Variants in CLIC4 observed in about 807,000 individuals in gnomAD.
CLIC4 encodes the protein chloride intracellular channel protein 4.
A neutral mutation model predicts 24.6 loss-of-function variants in CLIC4; 13 were observed. That is an observed-to-expected ratio of 0.53 (90% CI 0.34 to 0.84). The LOEUF (loss-of-function observed/expected upper bound fraction) is 0.84. CLIC4 is among the 40% of genes least tolerant of loss of function. The probability of loss-of-function intolerance (pLI) is 0.01; values close to 1 mark genes in which losing one functional copy is unlikely to be tolerated. For missense variants in CLIC4, 227 were observed against 301.7 expected (o/e 0.75, Z 1.83); for synonymous variants, 104 against 111.3 (o/e 0.93, Z 0.41).
At chr1:24,777,300 C>CT (rs1639152691) in intron 1 of CLIC4, among the ~76,000 whole-genome samples, 1 of 152,314 alleles carries the variant, frequency 6.6e-6, no homozygotes, top group East Asian at 1.9e-4. Context: ...AATGCTAGCA[C>CT]TTTGGGAGGC....
intron 2 of CLIC4, among the ~76,000 whole-genome samples, chr1:24,798,602 T>G (rs921254627): frequency 6.6e-6 from 1 of 152,196 alleles, no homozygotes; most frequent in Non-Finnish European, 1.5e-5. Flanking sequence ...AAGATTTAAA[T>G]CAAGGGTTAA....
At chr1:24,778,625 T>C (rs1037685357) in intron 1 of CLIC4, among the ~76,000 whole-genome samples, 2 of 152,196 alleles carry the variant, frequency 1.3e-5, no homozygotes, top group African/African-American at 4.8e-5. Context: ...ATGGACCCTC[T>C]GTAAAAAGAA....
chr1:24,801,603 A>T (rs1489804867), intron 2 of CLIC4, among the ~76,000 whole-genome samples: 1 of 152,222 alleles, frequency 6.6e-6, no homozygotes, highest in African/African-American at 2.4e-5. Context: ...AGATATTGAC[A>T]GCCTATCACT....
At chr1:24,809,907 ATTAC>A (rs1446517465) in intron 2 of CLIC4, among the ~76,000 whole-genome samples, 2 of 152,210 alleles carry the variant, frequency 1.3e-5, no homozygotes, top group Non-Finnish European at 2.9e-5. Flanking sequence ...ATGTTGTTGT[ATTAC>A]TTTTCTTGAA....
At chr1:24,760,602 T>C (rs546152364) in intron 1 of CLIC4, among the ~76,000 whole-genome samples, 13 of 152,182 alleles carry the variant, frequency 8.5e-5, no homozygotes, top group Middle Eastern at 3.4e-3. Flanking sequence ...GATACACTTT[T>C]GGCTTTTCCA....
intron 2 of CLIC4, among the ~76,000 whole-genome samples, chr1:24,798,877 C>T (rs1245996495): frequency 1.3e-5 from 2 of 152,266 alleles, no homozygotes; most frequent in Non-Finnish European, 2.9e-5. Context: ...CAGCCCCTAA[C>T]CGCGAGTGAT....
chr1:24,758,309 CTT>C (rs538216625), intron 1 of CLIC4, among the ~76,000 whole-genome samples: 2 of 142,102 alleles, frequency 1.4e-5, no homozygotes, highest in Non-Finnish European at 1.5e-5. Context: ...ATGTCCTAGT[CTT>C]TTTTTTTTTT....
intron 2 of CLIC4, among the ~76,000 whole-genome samples, chr1:24,808,353 A>G (rs908594725): frequency 6.6e-6 from 1 of 152,230 alleles, no homozygotes; most frequent in African/African-American, 2.4e-5. Flanking sequence ...GTATTTGCAT[A>G]TTAACCTACA....
At chr1:24,802,805 G>A (rs1639505788) in intron 2 of CLIC4, among the ~76,000 whole-genome samples, 1 of 150,488 alleles carries the variant, frequency 6.6e-6, no homozygotes, top group African/African-American at 2.4e-5. Context: ...TTGAGCTCCT[G>A]GGCTCAAGTA....
chr1:24,794,959 G>A (rs770406936), intron 1 of CLIC4, among the ~76,000 whole-genome samples: 10 of 152,236 alleles, frequency 6.6e-5, no homozygotes, highest in Non-Finnish European at 1.2e-4. Context: ...AGTCTTTGAC[G>A]TTGCTTGTTT....
chr1:24,771,071 T>C (rs1330715701), intron 1 of CLIC4, among the ~76,000 whole-genome samples: 1 of 152,210 alleles, frequency 6.6e-6, no homozygotes, highest in Non-Finnish European at 1.5e-5. Flanking sequence ...TTAGAGCCCT[T>C]TGCAAGCATT....
chr1:24,825,036 A>G (rs1272817981), intron 3 of CLIC4, among the ~76,000 whole-genome samples: 1 of 151,070 alleles, frequency 6.6e-6, no homozygotes, highest in Non-Finnish European at 1.5e-5. Flanking sequence ...ACACACACAC[A>G]CACAAAAGTA....
intron 1 of CLIC4, among the ~76,000 whole-genome samples, chr1:24,748,531 G>A (rs1431842311): frequency 8.4e-6 from 1 of 119,632 alleles, no homozygotes; most frequent in Non-Finnish European, 1.7e-5. Flanking sequence ...TTAATGAGAT[G>A]GTGTCTCGCT....
intron 1 of CLIC4, among the ~76,000 whole-genome samples, chr1:24,774,085 G>A (rs1393156188): frequency 6.6e-6 from 1 of 152,098 alleles, no homozygotes; most frequent in Non-Finnish European, 1.5e-5. Context: ...CAGTTCTCCT[G>A]CCTCAGCCTC....
chr1:24,779,711 A>T (rs1199420735), intron 1 of CLIC4, among the ~76,000 whole-genome samples: 1 of 152,170 alleles, frequency 6.6e-6, no homozygotes, highest in Non-Finnish European at 1.5e-5. Flanking sequence ...CTCAAAGCAG[A>T]TAGTAGGAAT....
At chr1:24,837,621 T>A (rs561050589) in intron 4 of CLIC4, among the ~76,000 whole-genome samples, 2 of 152,178 alleles carry the variant, frequency 1.3e-5, no homozygotes, top group Non-Finnish European at 2.9e-5. Flanking sequence ...TTCTTTAATA[T>A]AGATGCAAAA....
intron 1 of CLIC4, among the ~76,000 whole-genome samples, chr1:24,753,915 A>G (rs757240269): frequency 6.6e-6 from 1 of 152,222 alleles, no homozygotes; most frequent in South Asian, 2.1e-4. Context: ...AAAAAATGAA[A>G]TAAATTTTCT....
intron 1 of CLIC4, among the ~76,000 whole-genome samples, chr1:24,777,241 T>G (rs953658853): frequency 2.0e-5 from 3 of 152,212 alleles, no homozygotes; most frequent in Non-Finnish European, 2.9e-5. Flanking sequence ...AAAATTTGTT[T>G]GAAATAGGAA....
At position 24,762,366 on chromosome 1, in the gene CLIC4, G is replaced by A. The variant is rs141000184; in HGVS notation, c.72+16741G>A. The stretch of plus-strand genomic sequence containing the variant: ...TTGAACCCAGGAGTTAGAGGCTACG[G>A]TGAGATATGATCATGCCACTGCACT... On this transcript the variant is annotated intron_variant, in intron 1 of 5. Transcript: ENST00000374379. Among the ~76,000 whole-genome samples the A allele has an allele frequency of 3.3e-3, 497 of 152,304 alleles. 1 individual carries two copies. Among genetic ancestry groups the A allele is most frequent in the Middle Eastern group, 0.01 (3 of 292 alleles).
Sources: allele counts gnomAD v4.1 joint callset (sites outside exome capture counted in the v4.1 genomes callset), GRCh38; gene constraint gnomAD v4.1.1; transcripts MANE v1.5; gene names NCBI Gene and HGNC (gene_info 2026-07-23, HGNC 2026-07-21).